Variants in OR2L13 observed in about 807,000 individuals in gnomAD.
OR2L13 encodes olfactory receptor 2L13.
OR2L13 carries 14 observed loss-of-function variants against 15.3 expected under a neutral mutation model. The observed-to-expected ratio is 0.91, with a 90% CI of 0.60 to 1.43. OR2L13 has a LOEUF of 1.43. Among genes scored for constraint, OR2L13 ranks in the 40% most tolerant of loss-of-function variants. The pLI, the probability that OR2L13 is intolerant of heterozygous loss-of-function variation, is 0.00. For missense variants in OR2L13, 367 were observed against 387.9 expected (o/e 0.95, Z 0.45); for synonymous variants, 152 against 142.9 (o/e 1.06, Z -0.45).
At chr1:248,003,862 C>T in the OR2L13 span, 1 of 1,612,762 alleles carries the variant, frequency 6.2e-7, no homozygotes, top group Non-Finnish European at 8.5e-7. Flanking sequence ...GCACCCACCT[C>T]ACTGTAGTAA....
the OR2L13 span, among the ~76,000 whole-genome samples, chr1:248,089,339 C>T: frequency 6.6e-6 from 1 of 152,078 alleles, no homozygotes. Flanking sequence ...GCTCCCTGAA[C>T]CCTGTCATTA....
At chr1:248,099,716 T>G (rs1372670946) in exon 3 of OR2L13, 5 of 1,614,166 alleles carry the variant, frequency 3.1e-6, no homozygotes, top group Non-Finnish European at 4.2e-6. Flanking sequence ...GGCTTACTCC[T>G]GACCTCCATG....
At chr1:247,973,401 C>G in the OR2L13 span, among the ~76,000 whole-genome samples, 2 of 152,116 alleles carry the variant, frequency 1.3e-5, no homozygotes, top group Non-Finnish European at 2.9e-5. Context: ...CCCAAAAACT[C>G]CTTAAGCTGA....
the OR2L13 span, among the ~76,000 whole-genome samples, chr1:247,975,856 T>C: frequency 5.3e-5 from 8 of 152,208 alleles, no homozygotes; most frequent in Admixed American, 5.2e-4. Context: ...TTTCTTTTTA[T>C]CAAAATATAG....
the OR2L13 span, among the ~76,000 whole-genome samples, chr1:247,972,890 A>G: frequency 6.6e-6 from 1 of 152,188 alleles, no homozygotes; most frequent in African/African-American, 2.4e-5. Context: ...AAATACTGGA[A>G]AGCTGAATCC....
At chr1:248,022,873 C>A in the OR2L13 span, 3 of 1,606,586 alleles carry the variant, frequency 1.9e-6, no homozygotes, top group East Asian at 2.2e-5. Context: ...AATATCTTCT[C>A]GGTGAAAATG....
chr1:247,944,816 T>A, the OR2L13 span, among the ~76,000 whole-genome samples: 1 of 152,138 alleles, frequency 6.6e-6, no homozygotes, highest in Non-Finnish European at 1.5e-5. Context: ...TAGTATTCTC[T>A]GATGATTGTA....
chr1:248,079,263 TG>T, the OR2L13 span, among the ~76,000 whole-genome samples: 2 of 16,334 alleles, frequency 1.2e-4, no homozygotes, highest in Non-Finnish European at 7.4e-3. Context: ...AGAAATTTTC[TG>T]TACTTTTTTT....
chr1:247,963,471 G>A, the OR2L13 span, among the ~76,000 whole-genome samples: 33 of 152,294 alleles, frequency 2.2e-4, no homozygotes, highest in Admixed American at 2.0e-3. Context: ...TATCAGTGGA[G>A]TCTTTGTTCC....
At chr1:248,028,123 A>T in the OR2L13 span, among the ~76,000 whole-genome samples, 1 of 136,690 alleles carries the variant, frequency 7.3e-6, no homozygotes, top group Non-Finnish European at 1.5e-5. Context: ...CCTGAGCGAC[A>T]GAGCGAGATT....
the OR2L13 span, chr1:248,060,587 G>C: frequency 1.1e-6 from 1 of 939,258 alleles, no homozygotes; most frequent in Non-Finnish European, 1.7e-6. Flanking sequence ...AGAATTTACT[G>C]AGGGGCTTCA....
the OR2L13 span, chr1:248,022,239 A>AT: frequency 6.2e-7 from 1 of 1,614,048 alleles, no homozygotes; most frequent in Non-Finnish European, 8.5e-7. Flanking sequence ...TGGGTGTGGG[A>AT]TTCAGAGTTT....
chr1:248,069,904 C>A, the OR2L13 span, among the ~76,000 whole-genome samples: 13 of 152,130 alleles, frequency 8.5e-5, no homozygotes, highest in Non-Finnish European at 1.5e-4. Flanking sequence ...GTAAAGGGAT[C>A]AATTCAACTA....
exon 3 of OR2L13, chr1:248,099,894 T>C (rs750172344): frequency 6.2e-7 from 1 of 1,614,184 alleles, no homozygotes; most frequent in South Asian, 1.1e-5. Context: ...CTAGGGCTAT[T>C]GACCATTTCT....
At chr1:248,050,850 T>A in the OR2L13 span, among the ~76,000 whole-genome samples, 1 of 152,172 alleles carries the variant, frequency 6.6e-6, no homozygotes, top group East Asian at 1.9e-4. Flanking sequence ...TTTGCTCTTC[T>A]AAATTTTTTT....
the OR2L13 span, among the ~76,000 whole-genome samples, chr1:248,080,720 A>G: frequency 6.6e-6 from 1 of 152,196 alleles, no homozygotes; most frequent in Non-Finnish European, 1.5e-5. Flanking sequence ...TATTGGGAAT[A>G]GCTGCAATAA....
At chr1:248,068,799 G>A in the OR2L13 span, among the ~76,000 whole-genome samples, 1 of 152,166 alleles carries the variant, frequency 6.6e-6, no homozygotes, top group Non-Finnish European at 1.5e-5. Flanking sequence ...GGAGCTGAAA[G>A]CCAAGGCTCG....
chr1:247,991,686 C>A, the OR2L13 span, among the ~76,000 whole-genome samples: 910 of 149,646 alleles, frequency 6.1e-3, 85 homozygotes, highest in Middle Eastern at 0.024. Context: ...GCAAGACATT[C>A]TCTTCTGCAC....
chr1:248,100,352 C>A, exon 3 of OR2L13: 1 of 1,271,568 alleles, frequency 7.9e-7, no homozygotes, highest in South Asian at 1.3e-5. Flanking sequence ...TTCCTCTTTC[C>A]AAGTTGATTC....
Sources: gnomAD v4.1 joint callset for allele counts (sites outside exome capture counted in the v4.1 genomes callset) on GRCh38, gnomAD v4.1.1 for gene constraint, MANE v1.5 for transcripts, NCBI Gene and HGNC (gene_info 2026-07-23, HGNC 2026-07-21) for gene names.